Variants in BAZ2B observed in about 807,000 individuals in gnomAD.
BAZ2B encodes bromodomain adjacent to zinc finger domain protein 2B.
A neutral mutation model predicts 246.0 loss-of-function variants in BAZ2B; 91 were observed. That is an observed-to-expected ratio of 0.37 (90% CI 0.31 to 0.44). The LOEUF (loss-of-function observed/expected upper bound fraction) is 0.44, where lower values mean the gene tolerates loss of function less well. Ranked by LOEUF, BAZ2B falls within the 20% of genes least tolerant of loss-of-function variation. BAZ2B has a pLI of 1.00. For synonymous variants in BAZ2B, 855 were observed against 860.0 expected (o/e 0.99, Z 0.10); for missense variants, 2,332 against 2,533.7 (o/e 0.92, Z 1.71).
chr2:159,585,495 A>G (rs1687828747), intron 1 of BAZ2B, among the ~76,000 whole-genome samples: 2 of 152,194 alleles, frequency 1.3e-5, no homozygotes, highest in African/African-American at 4.8e-5. Flanking sequence ...TGTATTTTTT[A>G]TAATTTCCTG....
At chr2:159,539,410 C>T (rs905712211) in intron 2 of BAZ2B, among the ~76,000 whole-genome samples, 8 of 152,198 alleles carry the variant, frequency 5.3e-5, no homozygotes, top group African/African-American at 1.7e-4. Flanking sequence ...CAGAAGAATG[C>T]AACCAAAAAT....
At chr2:159,686,310 A>G in the BAZ2B span, among the ~76,000 whole-genome samples, 1 of 152,182 alleles carries the variant, frequency 6.6e-6, no homozygotes, top group Non-Finnish European at 1.5e-5. Context: ...CTAAGATATC[A>G]AGGTTTACCT....
At chr2:159,460,026 CTG>C (rs1200677545) in intron 3 of BAZ2B, 3 of 152,018 alleles carry the variant, frequency 2.0e-5, no homozygotes, top group African/African-American at 4.8e-5. Flanking sequence ...AGATAGGTAA[CTG>C]TATACATTTT....
chr2:159,546,948 G>A (rs1241452762), intron 2 of BAZ2B, among the ~76,000 whole-genome samples: 2 of 152,082 alleles, frequency 1.3e-5, no homozygotes, highest in East Asian at 3.9e-4. Context: ...TGTGACATTT[G>A]AGTTTAGTGC....
intron 13 of BAZ2B, among the ~76,000 whole-genome samples, chr2:159,416,873 A>G (rs2067812692): frequency 6.6e-6 from 1 of 152,232 alleles, no homozygotes; most frequent in Admixed American, 6.5e-5. Context: ...TGAAACTTAT[A>G]CAACAGCTTT....
At chr2:159,551,031 T>A (rs1385537240) in intron 2 of BAZ2B, among the ~76,000 whole-genome samples, 1 of 152,090 alleles carries the variant, frequency 6.6e-6, no homozygotes, top group Non-Finnish European at 1.5e-5. Context: ...AGAGACAAAG[T>A]CTCACTATAT....
chr2:159,710,784 AG>A, the BAZ2B span: 1 of 152,206 alleles, frequency 6.6e-6, no homozygotes, highest in African/African-American at 2.4e-5. Flanking sequence ...CATCCTTGCC[AG>A]GTTTGGGAGT....
At position 159,337,848 on chromosome 2, in the gene BAZ2B, A is replaced by G. The variant is rs1003151047; in HGVS notation, c.5455-76T>C. The G allele has an allele frequency of 2.2e-6, 3 of 1,369,390 alleles. No individual in the cohort carries two copies. The African/African-American group carries it at 4.3e-5, about 20-fold the overall frequency. 84.8% of individuals were successfully genotyped at this position (1,369,390 alleles called of 1,614,324 possible). ...TGGGTGAATTACCTTTACTTAAAATACAGCATTGGATACTGGCAGATCTCA... is the reference window on the plus strand; with the variant it reads ...TGGGTGAATTACCTTTACTTAAAATGCAGCATTGGATACTGGCAGATCTCA... On this transcript the variant is annotated intron_variant, in intron 31 of 36. Coordinates refer to ENST00000392783, the MANE Select transcript of BAZ2B (RefSeq NM_013450.4).
the BAZ2B span, among the ~76,000 whole-genome samples, chr2:159,701,361 A>G: frequency 6.6e-6 from 1 of 151,982 alleles, no homozygotes. Context: ...GTAAATAATA[A>G]TGAAGGCCAC....
At chr2:159,700,887 GACAA>G in the BAZ2B span, among the ~76,000 whole-genome samples, 1 of 152,100 alleles carries the variant, frequency 6.6e-6, no homozygotes, top group Non-Finnish European at 1.5e-5. Context: ...TAATTGGTAA[GACAA>G]ACAATTTCTC....
At chr2:159,656,525 T>C in the BAZ2B span, among the ~76,000 whole-genome samples, 1 of 152,168 alleles carries the variant, frequency 6.6e-6, no homozygotes, top group Admixed American at 6.5e-5. Context: ...TGACGACCAC[T>C]GCTCTTTTTA....
chr2:159,362,972 G>A (rs1005184021), intron 27 of BAZ2B, among the ~76,000 whole-genome samples: 18 of 152,140 alleles, frequency 1.2e-4, no homozygotes, highest in African/African-American at 4.1e-4. Context: ...CGGTGTACAG[G>A]AGCCTGAGTG....
intron 31 of BAZ2B, among the ~76,000 whole-genome samples, chr2:159,344,030 A>G (rs1346618836): frequency 4.4e-5 from 1 of 22,586 alleles, no homozygotes; most frequent in Non-Finnish European, 2.2e-4. Context: ...TCCATCTCAA[A>G]AAAAAAAAAA....
chr2:159,652,441 C>T, the BAZ2B span, among the ~76,000 whole-genome samples: 1 of 152,054 alleles, frequency 6.6e-6, no homozygotes, highest in East Asian at 1.9e-4. Context: ...AACTCCTAAC[C>T]TCAGGTGATC....
chr2:159,347,410 C>A, intron 31 of BAZ2B, 76 bp downstream of exon 31: 1 of 1,418,380 alleles, frequency 7.1e-7, no homozygotes, highest in Admixed American at 1.7e-5. Context: ...CATTAACTAG[C>A]ATATATTAGG....
At chr2:159,566,996 C>A (rs1682767838) in intron 1 of BAZ2B, among the ~76,000 whole-genome samples, 1 of 151,998 alleles carries the variant, frequency 6.6e-6, no homozygotes, top group Non-Finnish European at 1.5e-5. Context: ...ATAATCCCAG[C>A]ACTTTGGGAA....
intron 2 of BAZ2B, among the ~76,000 whole-genome samples, chr2:159,496,229 A>G (rs2081118889): frequency 6.7e-6 from 1 of 149,170 alleles, no homozygotes. Context: ...ACAAAAAACT[A>G]GCCAGGCGTG....
At chr2:159,339,972 T>A (rs766024680) in intron 31 of BAZ2B, among the ~76,000 whole-genome samples, 2 of 151,962 alleles carry the variant, frequency 1.3e-5, no homozygotes, top group African/African-American at 2.4e-5. Context: ...TACAAATATA[T>A]GGTTTGACAG....
At chr2:159,703,788 C>A in the BAZ2B span, among the ~76,000 whole-genome samples, 2 of 152,024 alleles carry the variant, frequency 1.3e-5, no homozygotes, top group East Asian at 3.9e-4. Flanking sequence ...TCTCTTGAGC[C>A]CAGGAGGTCA....
Sources: allele counts gnomAD v4.1 joint callset (sites outside exome capture counted in the v4.1 genomes callset), GRCh38; gene constraint gnomAD v4.1.1; transcripts MANE v1.5; gene names NCBI Gene and HGNC (gene_info 2026-07-23, HGNC 2026-07-21).